Variants in TNFSF4 observed in about 807,000 individuals in gnomAD.
TNFSF4 encodes the protein TNF superfamily member 4.
TNFSF4 carries 4 observed loss-of-function variants against 7.3 expected under a neutral mutation model. That is an observed-to-expected ratio of 0.55 (90% CI 0.27 to 1.25). The LOEUF (loss-of-function observed/expected upper bound fraction) is 1.25. Among genes scored for constraint, TNFSF4 ranks in the 50% most tolerant of loss-of-function variants. The pLI is 0.12. For missense variants in TNFSF4, 181 were observed against 208.8 expected (o/e 0.87, Z 0.82); for synonymous variants, 76 against 83.7 (o/e 0.91, Z 0.50).
At chr1:173,278,287 A>G in the TNFSF4 span, among the ~76,000 whole-genome samples, 2 of 152,072 alleles carry the variant, frequency 1.3e-5, no homozygotes. Flanking sequence ...GTGTTCAATT[A>G]TTTTTTAATG....
At chr1:173,411,721 G>C in the TNFSF4 span, among the ~76,000 whole-genome samples, 1 of 152,024 alleles carries the variant, frequency 6.6e-6, no homozygotes, top group African/African-American at 2.4e-5. Flanking sequence ...AGAATCACTT[G>C]AACCCAGGAG....
chr1:173,332,322 G>A, the TNFSF4 span, among the ~76,000 whole-genome samples: 1 of 152,128 alleles, frequency 6.6e-6, no homozygotes, highest in Non-Finnish European at 1.5e-5. Context: ...ACAAACCCTT[G>A]TCTGACTCAA....
chr1:173,439,723 T>A, the TNFSF4 span, among the ~76,000 whole-genome samples: 1 of 152,204 alleles, frequency 6.6e-6, no homozygotes, highest in Non-Finnish European at 1.5e-5. Flanking sequence ...GAAAGGCCAC[T>A]GAATCTTCTG....
the TNFSF4 span, among the ~76,000 whole-genome samples, chr1:173,382,983 C>G: frequency 2.7e-4 from 41 of 152,208 alleles, no homozygotes; most frequent in Non-Finnish European, 4.7e-4. Context: ...TGGCAATTAT[C>G]TTTTTAAAAA....
the TNFSF4 span, among the ~76,000 whole-genome samples, chr1:173,322,728 C>CA: frequency 2.3e-3 from 351 of 152,304 alleles, 2 homozygotes; most frequent in African/African-American, 7.9e-3. Flanking sequence ...AACGGCACAC[C>CA]AGGAGATTAA....
the TNFSF4 span, among the ~76,000 whole-genome samples, chr1:173,266,269 T>C: frequency 2.0e-5 from 3 of 152,118 alleles, no homozygotes; most frequent in Non-Finnish European, 2.9e-5. Flanking sequence ...AAACAGCTTT[T>C]GCAAACATAC....
the TNFSF4 span, among the ~76,000 whole-genome samples, chr1:173,326,392 G>A: frequency 0.18 from 27,595 of 151,964 alleles, 4,611 homozygotes; most frequent in African/African-American, 0.44. Context: ...TATCCATGAC[G>A]AACCCACAGC....
Position 173,207,257 on chromosome 1 carries a change from G to T in TNFSF4, c.-81C>A. Reference sequence around the variant, plus strand: ...AAACTGAAGTTTTCCCCAGAAAGAAGGAGGTAAAGACAAAACAAAGCCTAT... The same window carrying T: ...AAACTGAAGTTTTCCCCAGAAAGAATGAGGTAAAGACAAAACAAAGCCTAT... On this transcript the variant is annotated 5_prime_UTR_variant, in exon 1 of 3. Coordinates refer to ENST00000281834, the MANE Select transcript of TNFSF4 (RefSeq NM_003326.5). 2 of 1,407,194 alleles carry T rather than the reference G, an allele frequency of 1.4e-6. No individual in the cohort carries two copies. The highest frequency in any genetic ancestry group is 2.0e-6 in the Non-Finnish European group (2 of 1,018,196). 87.2% of individuals were successfully genotyped at this position (1,407,194 alleles called of 1,614,324 possible).
the TNFSF4 span, among the ~76,000 whole-genome samples, chr1:173,437,134 G>C: frequency 6.6e-6 from 1 of 152,186 alleles, no homozygotes; most frequent in Non-Finnish European, 1.5e-5. Context: ...CCATGACTCT[G>C]TAGAGAGAGG....
chr1:173,300,588 C>A, the TNFSF4 span, among the ~76,000 whole-genome samples: 6 of 151,780 alleles, frequency 4.0e-5, no homozygotes, highest in Non-Finnish European at 8.8e-5. Flanking sequence ...ACTGGATTTG[C>A]GATGCTACAG....
At chr1:173,274,641 T>C in the TNFSF4 span, among the ~76,000 whole-genome samples, 2 of 152,176 alleles carry the variant, frequency 1.3e-5, no homozygotes, top group Middle Eastern at 3.4e-3. Flanking sequence ...ACATGAGCCC[T>C]TTAAAAGCAG....
At chr1:173,267,600 G>A in the TNFSF4 span, among the ~76,000 whole-genome samples, 1 of 152,076 alleles carries the variant, frequency 6.6e-6, no homozygotes, top group Admixed American at 6.6e-5. Context: ...GAATTTATTA[G>A]TTCGTGGTTT....
chr1:173,295,722 T>C, the TNFSF4 span, among the ~76,000 whole-genome samples: 3 of 152,026 alleles, frequency 2.0e-5, no homozygotes, highest in Non-Finnish European at 4.4e-5. Flanking sequence ...AACGTCATCT[T>C]ATCCCTTCTT....
chr1:173,315,354 T>C, the TNFSF4 span, among the ~76,000 whole-genome samples: 1 of 152,158 alleles, frequency 6.6e-6, no homozygotes, highest in South Asian at 2.1e-4. Context: ...AATCAGACGT[T>C]CCATTTATTT....
the TNFSF4 span, among the ~76,000 whole-genome samples, chr1:173,363,952 A>C: frequency 1.3e-5 from 2 of 152,138 alleles, no homozygotes; most frequent in East Asian, 1.9e-4. Context: ...CTTAATCATA[A>C]ATTTTGTGAC....
At chr1:173,299,855 T>C in the TNFSF4 span, among the ~76,000 whole-genome samples, 2 of 151,750 alleles carry the variant, frequency 1.3e-5, no homozygotes, top group African/African-American at 2.4e-5. Context: ...TGGGAAGACA[T>C]GCATTAACTA....
At chr1:173,238,985 T>C in the TNFSF4 span, among the ~76,000 whole-genome samples, 1 of 152,194 alleles carries the variant, frequency 6.6e-6, no homozygotes, top group African/African-American at 2.4e-5. Context: ...CCACTTTGTG[T>C]GTATGATGTT....
the TNFSF4 span, among the ~76,000 whole-genome samples, chr1:173,347,996 G>A: frequency 2.6e-5 from 4 of 152,232 alleles, no homozygotes; most frequent in Non-Finnish European, 5.9e-5. Flanking sequence ...GGCCTAAGGT[G>A]TAACTTGGGA....
At chr1:173,323,167 G>A in the TNFSF4 span, among the ~76,000 whole-genome samples, 8 of 152,282 alleles carry the variant, frequency 5.3e-5, no homozygotes, top group South Asian at 2.1e-4. Context: ...TCACACGGCC[G>A]GGTACTCCTC....
Sources: allele counts gnomAD v4.1 joint callset (sites outside exome capture counted in the v4.1 genomes callset), GRCh38; gene constraint gnomAD v4.1.1; transcripts MANE v1.5; gene names NCBI Gene and HGNC (gene_info 2026-07-23, HGNC 2026-07-21).